Variants in PIGA observed in about 807,000 individuals in gnomAD.
PIGA encodes the protein phosphatidylinositol N-acetylglucosaminyltransferase subunit A.
PIGA carries 3 observed loss-of-function variants against 17.1 expected under a neutral mutation model. The observed-to-expected ratio is 0.18, with a 90% confidence interval of 0.08 to 0.45. The LOEUF (loss-of-function observed/expected upper bound fraction) is 0.45. Ranked by LOEUF, PIGA falls within the 20% of genes least tolerant of loss-of-function variation. The pLI is 0.99. For missense variants in PIGA, 231 were observed against 374.1 expected, an observed-to-expected ratio of 0.62 and a Z score of 3.16; for synonymous variants, 126 against 135.1, an observed-to-expected ratio of 0.93 and a Z score of 0.47.
At chrX:15,333,657 G>A (rs1011044747) in intron 1 of PIGA, among the ~76,000 whole-genome samples, 1 of 111,810 alleles carries the variant, frequency 8.9e-6, no homozygotes, top group East Asian at 2.8e-4. Context: ...CTCCAGCCAG[G>A]GTGACACAGC....
At chrX:15,330,144 A>C (rs1385104504) in intron 2 of PIGA, among the ~76,000 whole-genome samples, 1 of 111,683 alleles carries the variant, frequency 9.0e-6, no homozygotes, top group African/African-American at 3.3e-5. Flanking sequence ...AAACTAGGCT[A>C]ATAGTTTATA....
rs777616497 is a variant in PIGA, at chrX:15,334,908, A to C, written c.-63+593T>G. 3.1e-4 allele frequency among the ~76,000 whole-genome samples: 35 copies of C among 112,047 alleles called. No homozygotes were observed. The South Asian group carries it at 0.012, about 37-fold the overall frequency. ...TCGTTTTACAAATGAGAACCCAGAC[A>C]AGTTGAGTGATTTGTCCAAGGTTCC... On this transcript the variant is annotated intron_variant, in intron 1 of 5. Transcript: ENST00000333590.
chrX:15,321,391 C>T lies in PIGA; in HGVS notation c.*115G>A, dbSNP rs1329801888. The T allele has an allele frequency of 5.3e-6, 3 of 564,105 alleles. No individual in the cohort carries two copies. The East Asian group carries it at 9.9e-5, about 19-fold the overall frequency. 46.5% of individuals were successfully genotyped at this position (564,105 alleles called of 1,213,427 possible). A position where few individuals can be genotyped will look rare whatever the true frequency, so the allele number is the denominator to read the frequency against. On this transcript the variant is annotated 3_prime_UTR_variant, in exon 6 of 6. Transcript: ENST00000333590. ...AAAATATTGAATGATATAGAGGTAG[C>T]ATAACTTACTAAATTAACTCTAAAA...
intron 1 of PIGA, 38 bp downstream of exon 1, chrX:15,335,463 C>T: frequency 1.0e-6 from 1 of 994,036 alleles, no homozygotes; most frequent in African/African-American, 2.0e-5. Flanking sequence ...CGAAAGCGGC[C>T]CAGAGCGCTG....
At chrX:15,331,092 T>C (rs1922140752) in intron 2 of PIGA, 124 bp downstream of exon 2, 5 of 483,827 alleles carry the variant, frequency 1.0e-5, no homozygotes, top group East Asian at 3.7e-5. Context: ...TTCTTTGCTA[T>C]AATTTATAGC....
intron 5 of PIGA, among the ~76,000 whole-genome samples, chrX:15,323,543 T>C (rs779690504): frequency 4.5e-5 from 5 of 111,204 alleles, no homozygotes; most frequent in South Asian, 3.9e-4. Context: ...ATGGGAGAGA[T>C]AGTACAAGAC....
At chrX:15,323,659 GT>G (rs1254361672) in intron 5 of PIGA, among the ~76,000 whole-genome samples, 2 of 111,975 alleles carry the variant, frequency 1.8e-5, no homozygotes, top group African/African-American at 6.5e-5. Context: ...TTAGAGATAA[GT>G]TTTTAGAACT....
In PIGA at chrX:15,321,474, A is replaced by G. The variant is rs770570366; in HGVS notation, c.*32T>C. On this transcript the variant is annotated 3_prime_UTR_variant, in exon 6 of 6. Coordinates refer to ENST00000333590, the MANE Select transcript of PIGA (RefSeq NM_002641.4). ...CCATAGTCTTTATAGAACTATTACA[A>G]ATGTTTAAAATCTTACAATCTAGGC... The G allele has an allele frequency of 7.0e-6, 8 of 1,150,806 alleles. No homozygotes were observed. The African/African-American group carries it at 1.3e-4, about 18-fold the overall frequency. 94.8% of individuals were successfully genotyped at this position (1,150,806 alleles called of 1,213,427 possible). A position where few individuals can be genotyped will look rare whatever the true frequency, so the allele number is the denominator to read the frequency against.
At chrX:15,327,274 A>AC (rs983164295) in intron 2 of PIGA, 3 of 110,295 alleles carry the variant, frequency 2.7e-5, no homozygotes, top group African/African-American at 9.9e-5. Flanking sequence ...AAAAAAAACA[A>AC]AAAAAAAGTA....
At chrX:15,327,255 T>A (rs1180460180) in intron 2 of PIGA, 1 of 100,236 alleles carries the variant, frequency 1.0e-5, no homozygotes, top group African/African-American at 3.8e-5. Flanking sequence ...CGAGACTCCG[T>A]CTCAAAAAAA....
At position 15,321,576 on chromosome X, in the gene PIGA, C is replaced by T; in HGVS notation, c.1385G>A (p.Gly462Asp). ...GTGAGAATAGTTATTAGTCCAGGCA[C>T]CCCGTGGCCCAGTGGCATCTATTGC... ...DVAIDATGPR[G>D]AWTNNYSHSK... The change falls in exon 6 of 6, where the codon GGT becomes GAT. Residue 462 changes from glycine to aspartate, a missense_variant. By Grantham distance (94) the Gly-to-Asp change is moderately conservative (BLOSUM62 -1). Transcript: ENST00000333590. 1 of 1,203,739 alleles carries T rather than the reference C, an allele frequency of 8.3e-7. No individual in the cohort carries two copies. The highest frequency in any genetic ancestry group is 1.1e-6 in the Non-Finnish European group (1 of 887,974).
chrX:15,327,546 C>T (rs1477829729), intron 2 of PIGA: 4 of 111,717 alleles, frequency 3.6e-5, no homozygotes, highest in Non-Finnish European at 5.6e-5. Flanking sequence ...AAAATTCCCA[C>T]GCAGCTTTTC....
rs1219796369 is a variant in PIGA at position 15,324,650 on chromosome X, C to T, written c.1188+15G>A. 8.8e-7 allele frequency: 1 copy of T among 1,134,174 alleles called. No individual in the cohort carries two copies. Among genetic ancestry groups the T allele is most frequent in the Non-Finnish European group, 1.2e-6 (1 of 827,272 alleles). 93.5% of individuals were successfully genotyped at this position (1,134,174 alleles called of 1,213,427 possible). A position where few individuals can be genotyped will look rare whatever the true frequency, so the allele number is the denominator to read the frequency against. On this transcript the variant is annotated intron_variant, in intron 5 of 5. Coordinates refer to ENST00000333590, the MANE Select transcript of PIGA (RefSeq NM_002641.4). ...TAAGAGTTCAGACACAATCTTTTCT[C>T]AGCATGTGACATACCTTTTCAGTTC...
intron 2 of PIGA, chrX:15,330,897 C>T (rs949310974): frequency 1.1e-4 from 19 of 172,532 alleles, no homozygotes; most frequent in African/African-American, 4.9e-4. Context: ...CCACCGTACA[C>T]GGCCTGCCCT....
intron 1 of PIGA, among the ~76,000 whole-genome samples, chrX:15,333,518 T>C (rs1018889205): frequency 9.0e-6 from 1 of 111,031 alleles, no homozygotes; most frequent in Non-Finnish European, 1.9e-5. Context: ...TCATCTCTAT[T>C]AAAAATACAA....
At chrX:15,333,823 C>T (rs1602213440) in intron 1 of PIGA, among the ~76,000 whole-genome samples, 1 of 112,335 alleles carries the variant, frequency 8.9e-6, no homozygotes, top group African/African-American at 3.2e-5. Flanking sequence ...CCCTTCAGTG[C>T]GGTGTCTAAA....
chrX:15,326,104 C>A, intron 2 of PIGA, 58 bp from the exon 3 acceptor site: 1 of 811,291 alleles, frequency 1.2e-6, no homozygotes, highest in Non-Finnish European at 1.8e-6. Context: ...AAAAATTCAC[C>A]AGAACGACTG....
At position 15,326,214 on chromosome X, in the gene PIGA, T is replaced by C. The variant is rs758929349; in HGVS notation, c.716-168A>G. ...AGTGGAATTGTTTGCAAACTGGCAG[T>C]GGTCCCCCAAGAGTTACAATTCTTG... On this transcript the variant is annotated intron_variant, in intron 2 of 5. Transcript: ENST00000333590. 159 of 338,598 alleles carry C rather than the reference T, an allele frequency of 4.7e-4. No homozygotes were observed. In the Middle Eastern group the frequency reaches 8.2e-3, roughly 17 times the overall value. The allele number at this position is 338,598 out of a possible 1,213,427, so 27.9% of individuals were successfully genotyped here.
At chrX:15,324,994 C>A in intron 4 of PIGA, 26 bp downstream of exon 4, 1 of 1,183,322 alleles carries the variant, frequency 8.5e-7, no homozygotes, top group South Asian at 1.9e-5. Flanking sequence ...GAAATCCCAA[C>A]CATGAATGCC....
Sources: gnomAD v4.1 joint callset for allele counts (sites outside exome capture counted in the v4.1 genomes callset) on GRCh38, gnomAD v4.1.1 for gene constraint, MANE v1.5 for transcripts, NCBI Gene and HGNC (gene_info 2026-07-23, HGNC 2026-07-21) for gene names.